The following CAST variants were observed in gnomAD, a reference collection of about 807,000 sequenced individuals.
CAST encodes the protein calpastatin.
CAST carries 76 observed loss-of-function variants against 119.6 expected under a neutral mutation model. The ratio of observed to expected loss-of-function variants is 0.64; its 90% CI spans 0.53 to 0.77. The LOEUF is 0.77. Among genes scored for constraint, CAST ranks in the 30% least tolerant of loss-of-function variants. The probability of loss-of-function intolerance (pLI) is 0.00; values close to 1 mark genes in which losing one functional copy is unlikely to be tolerated. For missense variants in CAST, 953 were observed against 946.5 expected, an observed-to-expected ratio of 1.01 and a Z score of -0.09; for synonymous variants, 319 against 331.6, an observed-to-expected ratio of 0.96 and a Z score of 0.41.
intron 1 of CAST, among the ~76,000 whole-genome samples, chr5:96,623,603 C>T (rs900129069): frequency 6.6e-6 from 1 of 152,186 alleles, no homozygotes; most frequent in Admixed American, 6.5e-5. Flanking sequence ...CTGTTTGCCT[C>T]ATGAAGGTTG....
chr5:96,223,311 G>GGTGATGT, the CAST span, among the ~76,000 whole-genome samples: 1 of 152,078 alleles, frequency 6.6e-6, no homozygotes, highest in African/African-American at 2.4e-5. Context: ...AAATATTCAA[G>GGTGATGT]GTGATGTATT....
the CAST span, among the ~76,000 whole-genome samples, chr5:96,216,834 G>T: frequency 3.3e-5 from 5 of 152,134 alleles, no homozygotes; most frequent in African/African-American, 1.2e-4. Context: ...AATAACAACA[G>T]TTTTCCCGTC....
chr5:96,075,505 C>T, the CAST span, among the ~76,000 whole-genome samples: 3 of 152,118 alleles, frequency 2.0e-5, no homozygotes, highest in East Asian at 1.9e-4. Flanking sequence ...AGTAGGGACT[C>T]GAAACCAATT....
At chr5:96,415,949 G>T in the CAST span, 1 of 876,828 alleles carries the variant, frequency 1.1e-6, no homozygotes, top group Non-Finnish European at 2.0e-6. Flanking sequence ...TTGTTAAAAA[G>T]AAAAGCTCCC....
chr5:96,444,407 A>G, the CAST span, among the ~76,000 whole-genome samples: 2 of 152,252 alleles, frequency 1.3e-5, no homozygotes, highest in Non-Finnish European at 2.9e-5. Flanking sequence ...AAAGAACTGT[A>G]TAAATTGAAT....
At chr5:96,565,256 G>C (rs1381126544) in intron 1 of CAST, among the ~76,000 whole-genome samples, 1 of 151,910 alleles carries the variant, frequency 6.6e-6, no homozygotes, top group Non-Finnish European at 1.5e-5. Context: ...ATCATATAGA[G>C]AGGATTTTAA....
At chr5:96,767,538 G>A in intron 28 of CAST, 56 bp downstream of exon 28, 3 of 1,387,330 alleles carry the variant, frequency 2.2e-6, no homozygotes, top group Non-Finnish European at 3.1e-6. Flanking sequence ...AGCCATAGGG[G>A]TATTTGGCAT....
At chr5:96,362,953 T>A in the CAST span, among the ~76,000 whole-genome samples, 3 of 152,130 alleles carry the variant, frequency 2.0e-5, no homozygotes, top group Non-Finnish European at 4.4e-5. Flanking sequence ...TCTTCTAGGG[T>A]TTTTATGATT....
chr5:96,341,250 A>T, the CAST span, among the ~76,000 whole-genome samples: 1 of 152,126 alleles, frequency 6.6e-6, no homozygotes, highest in Non-Finnish European at 1.5e-5. Context: ...CATACATTTA[A>T]TTCAAGTTTT....
chr5:96,381,913 A>C, the CAST span, among the ~76,000 whole-genome samples: 1 of 152,308 alleles, frequency 6.6e-6, no homozygotes, highest in Admixed American at 6.5e-5. Flanking sequence ...TCTTATCAAG[A>C]TACATAGAGT....
upstream of CAST, among the ~76,000 whole-genome samples, chr5:96,527,535 T>A (rs1745615607): frequency 6.6e-6 from 1 of 152,210 alleles, no homozygotes; most frequent in Non-Finnish European, 1.5e-5. Context: ...CCCTGTCTAT[T>A]TTGTGAGCAG....
the CAST span, among the ~76,000 whole-genome samples, chr5:96,303,188 C>T: frequency 6.6e-6 from 1 of 152,140 alleles, no homozygotes; most frequent in Non-Finnish European, 1.5e-5. Flanking sequence ...GGAAGTCTTA[C>T]ACACTTTTAA....
At chr5:96,534,741 GAAAGAAAGAAAGAAAGAA>G (rs1160914092) in intron 1 of CAST, among the ~76,000 whole-genome samples, 1 of 9,168 alleles carries the variant, frequency 1.1e-4, no homozygotes, top group African/African-American at 3.0e-4. Context: ...GAGAGAGAGA[GAAAGAAAGAAAGAAAGAA>G]AGAAAGAAAG....
intron 1 of CAST, among the ~76,000 whole-genome samples, chr5:96,624,283 A>G (rs1189238064): frequency 6.6e-6 from 1 of 152,222 alleles, no homozygotes; most frequent in Non-Finnish European, 1.5e-5. Flanking sequence ...CTATCCTTAG[A>G]CAGTAGAGTG....
chr5:96,721,192 G>C (rs1758192026), intron 3 of CAST, among the ~76,000 whole-genome samples: 1 of 152,164 alleles, frequency 6.6e-6, no homozygotes, highest in African/African-American at 2.4e-5. Context: ...CTTCTTGTAT[G>C]TGTGCGTGTG....
At chr5:96,626,252 A>G (rs1422469589) in intron 1 of CAST, among the ~76,000 whole-genome samples, 1 of 152,158 alleles carries the variant, frequency 6.6e-6, no homozygotes, top group Non-Finnish European at 1.5e-5. Flanking sequence ...GCTACCACCA[A>G]TGGCCAAGGC....
In CAST at chr5:96,774,443, A is replaced by T; in HGVS notation, c.*1827A>T. 1.1e-6 allele frequency: 1 copy of T among 910,406 alleles called. No homozygotes were observed. The highest frequency in any genetic ancestry group is 1.3e-6 in the Non-Finnish European group (1 of 759,558). The allele number at this position is 910,406 out of a possible 1,614,324, so 56.4% of individuals were successfully genotyped here. A position where few individuals can be genotyped will look rare whatever the true frequency, so the allele number is the denominator to read the frequency against. On this transcript the variant is annotated 3_prime_UTR_variant, in exon 32 of 32. Coordinates refer to ENST00000675179, the MANE Select transcript of CAST (RefSeq NM_001750.7). ...TACAGGATCTAAAGCAGCCCTTTTT[A>T]CAGTCTAGTTAGGAGAGAGAAAATA...
the CAST span, among the ~76,000 whole-genome samples, chr5:96,170,096 G>A: frequency 3.1e-4 from 47 of 152,310 alleles, no homozygotes; most frequent in Admixed American, 1.4e-3. Context: ...GTTACCCAAA[G>A]CTTGGCGTCC....
At chr5:96,318,511 G>A in the CAST span, 1 of 152,162 alleles carries the variant, frequency 6.6e-6, no homozygotes, top group Non-Finnish European at 1.5e-5. Flanking sequence ...ATATACTTCA[G>A]CACTCCATGA....
Sources: allele counts gnomAD v4.1 joint callset (sites outside exome capture counted in the v4.1 genomes callset), GRCh38; gene constraint gnomAD v4.1.1; transcripts MANE v1.5; gene names NCBI Gene and HGNC (gene_info 2026-07-23, HGNC 2026-07-21).